DNAH11: variants seen among roughly 807,000 people sequenced by gnomAD.
DNAH11 encodes dynein axonemal heavy chain 11.
Under a neutral mutation model 526.0 loss-of-function variants are expected in DNAH11, and 442 were observed. The observed-to-expected ratio is 0.84, with a 90% CI of 0.78 to 0.91. DNAH11 has a LOEUF of 0.91. DNAH11 is among the 40% of genes least tolerant of loss of function. The pLI, the probability that DNAH11 is intolerant of heterozygous loss-of-function variation, is 0.00. For synonymous variants in DNAH11, 2,461 were observed against 1,935.9 expected (o/e 1.27, Z -7.12); for missense variants, 6,989 against 5,448.7 (o/e 1.28, Z -8.90).
chr7:21,669,766 C>A (rs984509405), intron 30 of DNAH11, among the ~76,000 whole-genome samples: 1 of 151,824 alleles, frequency 6.6e-6, no homozygotes, highest in Non-Finnish European at 1.5e-5. Context: ...GGGTTTTTCC[C>A]ATTAGGTCTG....
At chr7:21,632,195 C>G (rs934705024) in intron 25 of DNAH11, among the ~76,000 whole-genome samples, 19 of 152,190 alleles carry the variant, frequency 1.2e-4, no homozygotes, top group Admixed American at 3.9e-4. Context: ...CTAGGTAGCA[C>G]ACAGCACAGG....
rs929924397 is a variant in DNAH11, at chr7:21,748,469, A to C, written c.8511-111A>C. The C allele has an allele frequency of 2.5e-6, 3 of 1,210,176 alleles. No individual in the cohort carries two copies. In the Admixed American group the frequency reaches 1.1e-4, roughly 46 times the overall value. The allele number at this position is 1,210,176 out of a possible 1,614,324, so 75.0% of individuals were successfully genotyped here. On this transcript the variant is annotated intron_variant, in intron 51 of 81. Coordinates refer to ENST00000409508, the MANE Select transcript of DNAH11 (RefSeq NM_001277115.2). ...GCGCCACTGCACTCCGGCCTGGGCAACAGAGCAAGTCTCCATCTCAAAAGC... is the reference window on the plus strand; with the variant it reads ...GCGCCACTGCACTCCGGCCTGGGCACCAGAGCAAGTCTCCATCTCAAAAGC...
chr7:21,899,361 C>G lies in DNAH11; in HGVS notation c.13075C>G (p.Arg4359Gly), dbSNP rs774903187. 12 of 1,613,876 alleles carry G rather than the reference C, an allele frequency of 7.4e-6. No individual in the cohort carries two copies. The Admixed American group carries it at 8.3e-5, about 11-fold the overall frequency. ...QWFNDLLLRCRELDTWTQDLT... is the reference protein window; with the variant it reads ...QWFNDLLLRCGELDTWTQDLT... Reference sequence around the variant, plus strand: ...GTTCAATGACCTCCTCCTGCGATGCCGAGAACTCGATACTTGGACACAAGA... The same window carrying G: ...GTTCAATGACCTCCTCCTGCGATGCGGAGAACTCGATACTTGGACACAAGA... Residue 4359 changes from arginine to glycine, a missense_variant, in exon 80 of 82, where the codon CGA (arginine) becomes GGA (glycine). Transcript: ENST00000409508.
chr7:21,767,766 G>T (rs562923987), intron 55 of DNAH11, among the ~76,000 whole-genome samples: 1 of 152,280 alleles, frequency 6.6e-6, no homozygotes, highest in South Asian at 2.1e-4. Context: ...TGTCTTTTCT[G>T]TAGAGGTCAA....
At chr7:21,580,814 C>G (rs1784280627) in intron 8 of DNAH11, among the ~76,000 whole-genome samples, 1 of 152,142 alleles carries the variant, frequency 6.6e-6, no homozygotes, top group Non-Finnish European at 1.5e-5. Context: ...TAAAATTTTG[C>G]AAGGACATAA....
chr7:21,873,235 C>A, intron 73 of DNAH11, 39 bp from the exon 74 acceptor site: 1 of 1,456,816 alleles, frequency 6.9e-7, no homozygotes, highest in Non-Finnish European at 9.4e-7. Context: ...AGTAATATGC[C>A]TCACCTTCAC....
At chr7:21,837,318 G>T (rs1347258108) in intron 65 of DNAH11, among the ~76,000 whole-genome samples, 1 of 152,116 alleles carries the variant, frequency 6.6e-6, no homozygotes, top group Non-Finnish European at 1.5e-5. Context: ...CATTAGCCAA[G>T]ATCTGGAGTC....
chr7:21,709,380 T>A (rs943743981), intron 40 of DNAH11, among the ~76,000 whole-genome samples: 4 of 152,140 alleles, frequency 2.6e-5, no homozygotes, highest in Non-Finnish European at 2.9e-5. Flanking sequence ...ATTGGGTACA[T>A]GTGGACATAA....
intron 14 of DNAH11, among the ~76,000 whole-genome samples, chr7:21,599,502 C>T (rs936248000): frequency 6.6e-6 from 1 of 152,208 alleles, no homozygotes; most frequent in Non-Finnish European, 1.5e-5. Flanking sequence ...GTCTAGAATT[C>T]ACTGGGAACT....
Position 21,801,160 on chromosome 7 carries a change from A to T in DNAH11, c.10050A>T (p.Arg3350Ser), listed in dbSNP as rs773191306. ...KLVDLDRNLS[R>S]LTASFEKATA... ...AGGATCTGGATCGAAATCTGAGCAG[A>T]CTCACGGCTTCATTTGAAAAAGCAA... The change falls in exon 62 of 82, where the codon AGA (arginine) becomes AGT (serine). Residue 3350 changes from arginine to serine, a missense_variant. By Grantham distance (110) the Arg-to-Ser change is moderately radical. Transcript: ENST00000409508. 3 of 1,610,940 alleles carry T rather than the reference A, an allele frequency of 1.9e-6. No homozygotes were observed. In the South Asian group the frequency reaches 3.3e-5, roughly 18 times the overall value.
chr7:21,624,263 G>C (rs1437272437), intron 25 of DNAH11, among the ~76,000 whole-genome samples: 1 of 152,046 alleles, frequency 6.6e-6, no homozygotes. Context: ...GTGGTTTTTA[G>C]TATACAGATA....
intron 30 of DNAH11, among the ~76,000 whole-genome samples, chr7:21,668,416 C>T (rs1782507004): frequency 6.6e-6 from 1 of 152,176 alleles, no homozygotes; most frequent in Non-Finnish European, 1.5e-5. Flanking sequence ...GAATGTTTCT[C>T]TTGTAACACA....
chr7:21,629,913 A>G (rs6960103), intron 25 of DNAH11, among the ~76,000 whole-genome samples: 5,575 of 152,182 alleles, frequency 0.037, 326 homozygotes, highest in African/African-American at 0.13. Context: ...GAGTCCATTT[A>G]TGGTGAGTGT....
At chr7:21,763,975 A>G (rs1334227282) in intron 54 of DNAH11, among the ~76,000 whole-genome samples, 2 of 152,034 alleles carry the variant, frequency 1.3e-5, no homozygotes, top group Non-Finnish European at 1.5e-5. Flanking sequence ...TATGCGCAGT[A>G]TTGAGAGTAG....
intron 32 of DNAH11, among the ~76,000 whole-genome samples, chr7:21,684,953 C>T (rs549050879): frequency 9.9e-5 from 15 of 152,154 alleles, no homozygotes; most frequent in Non-Finnish European, 1.8e-4. Flanking sequence ...CCACTATCAC[C>T]GAAGTGTAGA....
chr7:21,879,360 G>C (rs1368975017), intron 74 of DNAH11, among the ~76,000 whole-genome samples: 7 of 152,056 alleles, frequency 4.6e-5, no homozygotes, highest in Admixed American at 2.0e-4. Context: ...GGGAGGCTGA[G>C]GCAGAAGAAT....
At chr7:21,576,942 G>C (rs1784119661) in intron 8 of DNAH11, among the ~76,000 whole-genome samples, 1 of 151,768 alleles carries the variant, frequency 6.6e-6, no homozygotes, top group Admixed American at 6.6e-5. Context: ...CAGTATCTGA[G>C]AAAAACAAAA....
chr7:21,830,821 A>G (rs562913187), intron 65 of DNAH11, among the ~76,000 whole-genome samples: 50 of 152,302 alleles, frequency 3.3e-4, no homozygotes, highest in African/African-American at 1.1e-3. Flanking sequence ...AGGAGTACAT[A>G]TTATATTTAT....
intron 2 of DNAH11, among the ~76,000 whole-genome samples, chr7:21,556,188 A>C (rs1678387725): frequency 6.6e-6 from 1 of 152,236 alleles, no homozygotes. Context: ...CCAACAGTGA[A>C]ACTTTCCTCC....
Sources: gnomAD v4.1 joint callset for allele counts (sites outside exome capture counted in the v4.1 genomes callset) on GRCh38, gnomAD v4.1.1 for gene constraint, MANE v1.5 for transcripts, NCBI Gene and HGNC (gene_info 2026-07-23, HGNC 2026-07-21) for gene names.